Variants in NUP188 observed in about 807,000 individuals in gnomAD.
NUP188 encodes nucleoporin 188.
NUP188 carries 97 observed loss-of-function variants against 223.0 expected under a neutral mutation model. That is an observed-to-expected ratio of 0.43 (90% CI 0.37 to 0.51). NUP188 has a LOEUF of 0.51. NUP188 is among the 20% of genes least tolerant of loss of function. NUP188 has a pLI of 0.00. For missense variants in NUP188, 1,947 were observed against 2,175.6 expected, an observed-to-expected ratio of 0.89 and a Z score of 2.09; for synonymous variants, 869 against 828.0, an observed-to-expected ratio of 1.05 and a Z score of -0.85.
intron 2 of NUP188, 80 bp downstream of exon 2, chr9:128,949,323 T>TGTTTACTTCCTACATTTAAA: frequency 1.0e-6 from 1 of 973,734 alleles, no homozygotes; most frequent in Non-Finnish European, 1.6e-6. Flanking sequence ...TTTTTAAATG[T>TGTTTACTTCCTACATTTAAA]AGGAAGTAAA....
rs555730791 is a variant in NUP188, at chr9:128,980,704, A to T, written c.1368A>T (p.Ser456=). ...TGCAACTGCTCCGAGCCCTGGTATCAGGGAAGTCCACAGCCAAAAAGGTAA... is the reference window on the plus strand; with the variant it reads ...TGCAACTGCTCCGAGCCCTGGTATCTGGGAAGTCCACAGCCAAAAAGGTAA... ...PLLQLLRALV[S]GKSTAKKVYS... is the part of the protein sequence containing the mutation. Residue 456 remains serine (S), a synonymous_variant, in exon 14 of 44, where the codon TCA becomes TCT. Transcript: ENST00000372577. The T allele has an allele frequency of 1.2e-6, 2 of 1,614,140 alleles. No individual in the cohort carries two copies. The highest frequency in any genetic ancestry group is 2.2e-5 in the South Asian group (2 of 91,082).
intron 3 of NUP188, 62 bp downstream of exon 3, chr9:128,952,908 C>A (rs1588267606): frequency 7.8e-7 from 1 of 1,290,132 alleles, no homozygotes; most frequent in Middle Eastern, 1.9e-4. Flanking sequence ...ATGGATAAAA[C>A]CATCCTTCTA....
intron 28 of NUP188, 42 bp downstream of exon 28, chr9:128,994,484 T>G: frequency 7.1e-7 from 1 of 1,399,930 alleles, no homozygotes; most frequent in South Asian, 1.2e-5. Flanking sequence ...ACAAGTCCCT[T>G]GGAGGAAAGG....
chr9:128,975,684 G>A (rs1038912418), intron 12 of NUP188, among the ~76,000 whole-genome samples: 2 of 148,524 alleles, frequency 1.3e-5, no homozygotes, highest in African/African-American at 2.5e-5. Flanking sequence ...CACGTCTGGC[G>A]AATTTTTGTA....
intron 2 of NUP188, among the ~76,000 whole-genome samples, chr9:128,949,714 C>T (rs1236235818): frequency 1.3e-5 from 2 of 152,066 alleles, no homozygotes; most frequent in African/African-American, 2.4e-5. Context: ...CTGCAACCTC[C>T]GCCTCCCGAG....
At chr9:128,992,222 A>G (rs977393699) in intron 25 of NUP188, among the ~76,000 whole-genome samples, 4 of 148,418 alleles carry the variant, frequency 2.7e-5, no homozygotes, top group African/African-American at 1.0e-4. Flanking sequence ...TTGTTTTGAG[A>G]CAGTCCCACT....
At chr9:128,992,829 A>G (rs1432596782) in intron 25 of NUP188, among the ~76,000 whole-genome samples, 1 of 152,178 alleles carries the variant, frequency 6.6e-6, no homozygotes, top group African/African-American at 2.4e-5. Flanking sequence ...GATATTTCCA[A>G]ATTACCTTCC....
intron 8 of NUP188, among the ~76,000 whole-genome samples, chr9:128,960,320 C>T (rs1009623887): frequency 8.6e-5 from 13 of 152,038 alleles, no homozygotes; most frequent in African/African-American, 2.9e-4. Flanking sequence ...ATCTCCCCGC[C>T]TCAGCCTCCC....
At chr9:128,987,976 C>G in intron 23 of NUP188, 71 bp from the exon 24 acceptor site, 1 of 1,511,984 alleles carries the variant, frequency 6.6e-7, no homozygotes, top group Non-Finnish European at 9.1e-7. Context: ...GAATCTAATT[C>G]ATGAGAGCAC....
chr9:129,003,066 C>T, intron 37 of NUP188, 91 bp downstream of exon 37: 3 of 1,431,020 alleles, frequency 2.1e-6, no homozygotes, highest in Non-Finnish European at 2.8e-6. Flanking sequence ...GAGCCTGGGC[C>T]TCAGTAGCGG....
In NUP188 at chr9:128,986,580, G is replaced by T; in HGVS notation, c.2099G>T (p.Ser700Ile). Residue 700 changes from serine to isoleucine, a missense_variant, in exon 21 of 44, where the codon AGC (serine) becomes ATC (isoleucine). Physicochemically the swap from Ser to Ile is moderately radical, Grantham distance 142. This residue lies in a region of NUP188 where 817 missense variants were observed against 865.8 expected (regional missense o/e 0.94). Coordinates refer to ENST00000372577, the MANE Select transcript of NUP188 (RefSeq NM_015354.3). The stretch of plus-strand genomic sequence containing the variant: ...TAGGGGCAACTTGGTAGTACCCAGA[G>T]CCAAGGACTTGTACCCTGTGTAATG... ...LVKGQLGSTQSQGLVPCVMFV... is the reference protein window; with the variant it reads ...LVKGQLGSTQIQGLVPCVMFV... 1 of 1,614,150 alleles carries T rather than the reference G, an allele frequency of 6.2e-7. No homozygotes were observed. Among genetic ancestry groups the T allele is most frequent in the Non-Finnish European group, 8.5e-7 (1 of 1,180,004 alleles).
rs755369117 is a variant in NUP188, at chr9:128,982,538, TTCTCTC to T, written c.1517-8_1517-3del. On this transcript the variant is annotated splice_region_variant and splice_polypyrimidine_tract_variant and intron_variant, in intron 15 of 43. Transcript: ENST00000372577. Reference sequence around the variant, plus strand: ...CCTCAGATATTAGACTAATTTATCTTTCTCTCTCAGGGGGTCAAACCAACCTTCGCA... The same window carrying T: ...CCTCAGATATTAGACTAATTTATCTTTCAGGGGGTCAAACCAACCTTCGCA... 24 of 1,601,418 alleles carry T rather than the reference TTCTCTC, an allele frequency of 1.5e-5. No homozygotes were observed. The East Asian group carries it at 4.2e-4, about 28-fold the overall frequency.
At chr9:129,005,938 T>C in intron 41 of NUP188, 112 bp from the exon 42 acceptor site, 1 of 1,422,146 alleles carries the variant, frequency 7.0e-7, no homozygotes, top group Non-Finnish European at 9.8e-7. Flanking sequence ...ACTGTGAGGA[T>C]TAAATGAGGT....
chr9:128,985,323 T>C (rs1050227514), intron 20 of NUP188: 1 of 244,442 alleles, frequency 4.1e-6, no homozygotes, highest in African/African-American at 2.3e-5. Flanking sequence ...TGGGATAATA[T>C]CATATCCCAG....
intron 2 of NUP188, among the ~76,000 whole-genome samples, chr9:128,950,354 G>A (rs1841765090): frequency 6.6e-6 from 1 of 151,928 alleles, no homozygotes; most frequent in African/African-American, 2.4e-5. Context: ...CAAGGAGCTG[G>A]GGATTACAGA....
Position 128,998,220 on chromosome 9 carries a change from A to G in NUP188, c.3421A>G (p.Lys1141Glu). 1 of 1,612,630 alleles carries G rather than the reference A, an allele frequency of 6.2e-7. No homozygotes were observed. Among genetic ancestry groups the G allele is most frequent in the Non-Finnish European group, 8.5e-7 (1 of 1,178,630 alleles). The change falls in exon 31 of 44, where the codon AAA becomes GAA. Residue 1141 changes from lysine (K) to glutamate (E), a missense_variant. Physicochemically the swap from Lys to Glu is moderately conservative, Grantham distance 56. Transcript: ENST00000372577. ...QLFLDVLDGT[K>E]ALLLVPASVN... The stretch of plus-strand genomic sequence containing the variant: ...CTTTCTTGACGTGCTTGATGGAACC[A>G]AAGCATTAGTAAGTGTGTCTGGGAG...
chr9:129,002,785 G>C, intron 36 of NUP188, 32 bp from the exon 37 acceptor site: 1 of 1,607,750 alleles, frequency 6.2e-7, no homozygotes, highest in East Asian at 2.2e-5. Flanking sequence ...TCTCAGCAGG[G>C]TTCCTGAGCT....
intron 6 of NUP188, 25 bp from the exon 7 acceptor site, chr9:128,958,777 T>G (rs771751284): frequency 1.4e-6 from 2 of 1,394,820 alleles, no homozygotes; most frequent in South Asian, 2.7e-5. Context: ...GGTGAGTAAC[T>G]GATTTTGAAT....
At chr9:128,976,595 C>A (rs940821191) in intron 12 of NUP188, among the ~76,000 whole-genome samples, 1 of 151,398 alleles carries the variant, frequency 6.6e-6, no homozygotes, top group Admixed American at 6.6e-5. Flanking sequence ...TGCTTGAACC[C>A]GGGGGGCGGA....
Sources: allele counts gnomAD v4.1 joint callset (sites outside exome capture counted in the v4.1 genomes callset), GRCh38; gene constraint gnomAD v4.1.1; regional missense constraint gnomAD v4.1.1; transcripts MANE v1.5; gene names NCBI Gene and HGNC (gene_info 2026-07-23, HGNC 2026-07-21).